The following MIA2 variants were observed in gnomAD, a reference collection of about 807,000 sequenced individuals.
MIA2 encodes the protein MIA SH3 domain ER export factor 2.
Under a neutral mutation model 167.8 loss-of-function variants are expected in MIA2, and 127 were observed. That is an observed-to-expected ratio of 0.76 (90% CI 0.66 to 0.88). The LOEUF (loss-of-function observed/expected upper bound fraction) is 0.88. Ranked by LOEUF, MIA2 falls within the 40% of genes least tolerant of loss-of-function variation. The pLI is 0.00. For missense variants in MIA2, 1,690 were observed against 1,624.7 expected (o/e 1.04, Z -0.69); for synonymous variants, 552 against 541.9 (o/e 1.02, Z -0.26).
intron 23 of MIA2, among the ~76,000 whole-genome samples, chr14:39,363,450 G>C (rs1315011816): frequency 6.6e-6 from 1 of 152,162 alleles, no homozygotes; most frequent in African/African-American, 2.4e-5. Context: ...AATCACTTGA[G>C]CCTGGGAGGT....
chr14:39,325,919 G>T (rs1425565791), intron 24 of MIA2, among the ~76,000 whole-genome samples: 1 of 151,564 alleles, frequency 6.6e-6, no homozygotes, highest in Non-Finnish European at 1.5e-5. Context: ...TCACCATGTT[G>T]GCCAGGCTTG....
At chr14:39,301,028 A>G (rs994286434) in intron 14 of MIA2, among the ~76,000 whole-genome samples, 17 of 84,020 alleles carry the variant, frequency 2.0e-4, no homozygotes, top group African/African-American at 9.2e-4. Flanking sequence ...ACACACATAT[A>G]TACATATACA....
In MIA2 at chr14:39,277,185, G is replaced by GTTTTTGT. The variant is rs374472059; in HGVS notation, c.2019+140_2019+146dup. ...TTAGAAACTACATAGGGATTCAGAG[G>GTTTTTGT]TTTTTGTTTTTTGTTTTTTGTTTTT... On this transcript the variant is annotated intron_variant, in intron 7 of 28. Coordinates refer to ENST00000640607, the MANE Select transcript of MIA2 (RefSeq NM_001329214.4). 5.3e-6 allele frequency: 7 copies of GTTTTTGT among 1,326,486 alleles called. No homozygotes were observed. The South Asian group carries it at 6.6e-5, about 12-fold the overall frequency. 82.2% of individuals were successfully genotyped at this position (1,326,486 alleles called of 1,614,324 possible).
At position 39,347,818 on chromosome 14, in the gene MIA2, CTTTTTTTTTT is replaced by C. The variant is rs59832680; in HGVS notation, c.3837+61_3837+70del. Reference sequence around the variant, plus strand: ...TTGTATGCATGTATTCAGAAGCCTTCTTTTTTTTTTTTTTTTTTTTTTTATGGAGTTTCAC... The same window carrying C: ...TTGTATGCATGTATTCAGAAGCCTTCTTTTTTTTTTTTTATGGAGTTTCAC... On this transcript the variant is annotated intron_variant, in intron 27 of 28. Transcript: ENST00000640607. 1.8e-5 allele frequency: 13 copies of C among 706,360 alleles called. No individual in the cohort carries two copies. The African/African-American group carries it at 1.9e-4, about 10-fold the overall frequency. The allele number at this position is 706,360 out of a possible 1,614,324, so 43.8% of individuals were successfully genotyped here. A position where few individuals can be genotyped will look rare whatever the true frequency, so the allele number is the denominator to read the frequency against.
intron 23 of MIA2, among the ~76,000 whole-genome samples, chr14:39,383,503 A>G (rs1288654446): frequency 6.6e-6 from 1 of 152,168 alleles, no homozygotes; most frequent in Non-Finnish European, 1.5e-5. Context: ...AATTAGGCCT[A>G]TGACTAACCC....
chr14:39,349,111 C>A, intron 28 of MIA2, 134 bp downstream of exon 28: 1 of 1,177,136 alleles, frequency 8.5e-7, no homozygotes, highest in Non-Finnish European at 1.2e-6. Context: ...TGAAAATTCT[C>A]ATTACTTTTC....
At chr14:39,313,564 G>T (rs1035750875) in intron 19 of MIA2, 123 bp downstream of exon 19, 6 of 533,010 alleles carry the variant, frequency 1.1e-5, no homozygotes, top group Non-Finnish European at 2.0e-5. Context: ...AGGTGGTACA[G>T]ACAAAAAAAT....
intron 24 of MIA2, 87 bp downstream of exon 24, chr14:39,321,143 A>G: frequency 7.3e-7 from 1 of 1,361,102 alleles, no homozygotes. Context: ...GATCTGTAAA[A>G]TATTTGGAAA....
intron 27 of MIA2, among the ~76,000 whole-genome samples, chr14:39,348,241 G>C (rs2073847666): frequency 6.6e-6 from 1 of 152,170 alleles, no homozygotes; most frequent in Admixed American, 6.6e-5. Flanking sequence ...TACTTAGCGT[G>C]AAAGCTGTTT....
In MIA2 at chr14:39,273,533, T is replaced by A. The variant is rs113735092; in HGVS notation, c.1888-3401T>A. Among the ~76,000 whole-genome samples the A allele has an allele frequency of 4.3e-3, 662 of 152,260 alleles. 5 individuals are homozygous for A. Among genetic ancestry groups the A allele is most frequent in the African/African-American group, 0.015 (607 of 41,546 alleles). ...ATGCTTGGCTAATTTTTGTTGAATGTTTTGACTATGAAACGGTGCTAGATA... is the reference window on the plus strand; with the variant it reads ...ATGCTTGGCTAATTTTTGTTGAATGATTTGACTATGAAACGGTGCTAGATA... On this transcript the variant is annotated intron_variant, in intron 6 of 28. Transcript: ENST00000640607.
chr14:39,385,342 T>C, intron 23 of MIA2: 2 of 844,570 alleles, frequency 2.4e-6, no homozygotes, highest in South Asian at 1.4e-5. Context: ...AAAGTTCAGG[T>C]TATACTCACT....
intron 23 of MIA2, among the ~76,000 whole-genome samples, chr14:39,366,953 G>A (rs2074835084): frequency 6.6e-6 from 1 of 152,252 alleles, no homozygotes; most frequent in Non-Finnish European, 1.5e-5. Context: ...CATGGCCGCT[G>A]TGCTGCTGAG....
Position 39,277,037 on chromosome 14 carries a change from T to A in MIA2, c.1991T>A (p.Leu664His), listed in dbSNP as rs755123186. Residue 664 changes from leucine to histidine, a missense_variant, in exon 7 of 29, where the codon CTC becomes CAC. Leu to His is a moderately conservative substitution (Grantham distance 99, BLOSUM62 -3). Transcript: ENST00000640607. ...CAAVVGFFAVLFFLWRSFRSV... is the reference protein window; with the variant it reads ...CAAVVGFFAVHFFLWRSFRSV... ...GCTGTTGTTGGATTTTTTGCTGTTC[T>A]CTTTTTTTTGTGGAGAAGTTTTAGA... 8.7e-6 allele frequency: 14 copies of A among 1,613,816 alleles called. 1 individual carries two copies. The South Asian group carries it at 1.4e-4, about 16-fold the overall frequency.
At chr14:39,338,794 G>A (rs2071088364) in intron 25 of MIA2, among the ~76,000 whole-genome samples, 2 of 152,198 alleles carry the variant, frequency 1.3e-5, no homozygotes, top group Non-Finnish European at 2.9e-5. Context: ...TGGTAAGAAA[G>A]TAGTTTAAAT....
At chr14:39,306,279 A>C (rs1288955598) in intron 17 of MIA2, among the ~76,000 whole-genome samples, 1 of 152,206 alleles carries the variant, frequency 6.6e-6, no homozygotes, top group African/African-American at 2.4e-5. Context: ...CCTGAAACTG[A>C]GAAGTTTGTA....
chr14:39,371,699 C>T (rs961357567), intron 23 of MIA2, among the ~76,000 whole-genome samples: 2 of 152,192 alleles, frequency 1.3e-5, no homozygotes, highest in African/African-American at 4.8e-5. Context: ...GCTTGCAAGA[C>T]GGAAATACGA....
At chr14:39,299,830 T>C in intron 13 of MIA2, 34 bp from the exon 14 acceptor site, 1 of 1,587,712 alleles carries the variant, frequency 6.3e-7, no homozygotes, top group Non-Finnish European at 8.5e-7. Flanking sequence ...TTCACTTGTG[T>C]GATGAGTTGC....
intron 23 of MIA2, chr14:39,386,723 T>A: frequency 7.5e-7 from 1 of 1,336,496 alleles, no homozygotes; most frequent in East Asian, 2.3e-5. Context: ...TCTTTGAATA[T>A]TTGTAATCTG....
rs79946692 is a variant in MIA2, at chr14:39,247,583, C to T, written c.1009C>T (p.Pro337Ser). The T allele has an allele frequency of 8.1e-6, 13 of 1,614,034 alleles. No individual in the cohort carries two copies. In the African/African-American group the frequency reaches 1.2e-4, roughly 15 times the overall value. The change falls in exon 4 of 29, where the codon CCA becomes TCA. Residue 337 changes from proline (P) to serine (S), a missense_variant. Transcript: ENST00000640607. ...ATTAATAGCTGAAGAAAGCAATCCA[C>T]CACTACAAGATTTTCCCAATTCCAT... ...LELIAEESNP[P>S]LQDFPNSISS...
Sources: gnomAD v4.1 joint callset for allele counts (sites outside exome capture counted in the v4.1 genomes callset) on GRCh38, gnomAD v4.1.1 for gene constraint, MANE v1.5 for transcripts, NCBI Gene and HGNC (gene_info 2026-07-23, HGNC 2026-07-21) for gene names.